The following OR1A1 variants were observed in gnomAD, a reference collection of about 807,000 sequenced individuals.
The protein encoded by OR1A1 is olfactory receptor 1A1.
For missense variants in OR1A1, 391 were observed against 379.9 expected, an observed-to-expected ratio of 1.03 and a Z score of -0.24; for synonymous variants, 145 against 147.8, an observed-to-expected ratio of 0.98 and a Z score of 0.13.
Position 3,213,887 on chromosome 17 carries a change from C to T in OR1A1, c.-6+1288C>T, listed in dbSNP as rs549310435. ...AGAGAACAACACGGATTTGACTAAG[C>T]AGCTGATCGTTGCCGCTGTAATTTA... On this transcript the variant is annotated intron_variant, in intron 3 of 3. Transcript: ENST00000641732. 5 of 152,324 alleles carry T rather than the reference C, an allele frequency of 3.3e-5. No homozygotes were observed. In the East Asian group the frequency reaches 9.7e-4, roughly 29 times the overall value. 9.4% of individuals were successfully genotyped at this position (152,324 alleles called of 1,614,324 possible).
chr17:3,216,189 C>T lies in OR1A1; in HGVS notation c.569C>T (p.Ser190Phe). Reference protein sequence around the residue: ...DITPLLKLSCSDIHFHVKMMY... With the variant: ...DITPLLKLSCFDIHFHVKMMY... ...ACCCCCTTGCTGAAGTTATCCTGTT[C>T]TGACATCCACTTTCATGTGAAGATG... Residue 190 changes from serine to phenylalanine, a missense_variant, in exon 4 of 4, where the codon TCT (serine) becomes TTT (phenylalanine). By Grantham distance (155) the Ser-to-Phe change is radical. Coordinates refer to ENST00000641732, the MANE Select transcript of OR1A1 (RefSeq NM_014565.3). 4 of 1,614,166 alleles carry T rather than the reference C, an allele frequency of 2.5e-6. No homozygotes were observed. The highest frequency in any genetic ancestry group is 3.4e-6 in the Non-Finnish European group (4 of 1,180,020).
chr17:3,211,492 C>T (rs951359924), intron 2 of OR1A1, among the ~76,000 whole-genome samples: 2 of 152,128 alleles, frequency 1.3e-5, no homozygotes, highest in South Asian at 2.1e-4. Context: ...TGCACCACCA[C>T]GCCCAGCTAA....
intron 2 of OR1A1, among the ~76,000 whole-genome samples, chr17:3,210,759 C>T (rs888636749): frequency 1.3e-5 from 2 of 152,118 alleles, no homozygotes; most frequent in Non-Finnish European, 2.9e-5. Flanking sequence ...GCACCCACCA[C>T]CACACCTGGC....
At chr17:3,215,530 T>G in intron 3 of OR1A1, 86 bp from the exon 4 acceptor site, 1 of 975,308 alleles carries the variant, frequency 1.0e-6, no homozygotes, top group Non-Finnish European at 1.5e-6. Context: ...CTGAATCACT[T>G]AAGTCAGAAG....
Position 3,215,795 on chromosome 17 carries a change from A to C in OR1A1, c.175A>C (p.Met59Leu). 1 of 1,613,966 alleles carries C rather than the reference A, an allele frequency of 6.2e-7. No homozygotes were observed. Among genetic ancestry groups the C allele is most frequent in the Non-Finnish European group, 8.5e-7 (1 of 1,180,004 alleles). Residue 59 changes from methionine to leucine, a missense_variant, in exon 4 of 4, where the codon ATG (methionine) becomes CTG (leucine). Coordinates refer to ENST00000641732, the MANE Select transcript of OR1A1 (RefSeq NM_014565.3). ...ICSDVRLHNP[M>L]YFLLANLSLV... is the part of the protein sequence containing the mutation. ...CTCTGATGTTCGCCTTCACAACCCC[A>C]TGTATTTTCTCCTTGCCAACCTCTC...
rs765110007 is a variant in OR1A1, at chr17:3,215,646, C to T, written c.26C>T (p.Thr9Ile). 13 of 1,613,710 alleles carry T rather than the reference C, an allele frequency of 8.1e-6. No homozygotes were observed. Among genetic ancestry groups the T allele is most frequent in the African/African-American group, 6.7e-5 (5 of 74,928 alleles). ...ATGAGGGAAAATAACCAGTCCTCTA[C>T]ACTGGAATTCATCCTCCTGGGAGTT... MRENNQSSTLEFILLGVTG... is the reference protein window; with the variant it reads MRENNQSSILEFILLGVTG... The change falls in exon 4 of 4, where the codon ACA becomes ATA. Residue 9 changes from threonine (T) to isoleucine (I), a missense_variant. By Grantham distance (89) the Thr-to-Ile change is moderately conservative (BLOSUM62 -1). Coordinates refer to ENST00000641732, the MANE Select transcript of OR1A1 (RefSeq NM_014565.3).
chr17:3,208,385 CA>C (rs1478552155), intron 1 of OR1A1, among the ~76,000 whole-genome samples, 195 bp from the exon 2 acceptor site: 3 of 151,964 alleles, frequency 2.0e-5, no homozygotes, highest in African/African-American at 7.3e-5. Flanking sequence ...GAGCACCTGC[CA>C]AAAGTGCATT....
chr17:3,216,900 T>C lies in OR1A1; in HGVS notation c.*350T>C, dbSNP rs184571128. The C allele has an allele frequency of 5.2e-6, 1 of 193,404 alleles. No homozygotes were observed. The highest frequency in any genetic ancestry group is 1.1e-5 in the Non-Finnish European group (1 of 93,384). The allele number at this position is 193,404 out of a possible 1,614,324, so 12.0% of individuals were successfully genotyped here. The stretch of plus-strand genomic sequence containing the variant: ...ATGGTGTGTTGATTACAATAGCTCA[T>C]GCTTCCAAGATTATAAATCACTATT... On this transcript the variant is annotated 3_prime_UTR_variant, in exon 4 of 4. Transcript: ENST00000641732.
At chr17:3,213,950 C>A (rs1219382918) in intron 3 of OR1A1, 1 of 152,184 alleles carries the variant, frequency 6.6e-6, no homozygotes, top group African/African-American at 2.4e-5. Flanking sequence ...AGGAGGAAAC[C>A]TGGAGTCAAG....
intron 2 of OR1A1, among the ~76,000 whole-genome samples, chr17:3,210,025 A>G (rs536065435): frequency 3.1e-4 from 47 of 151,984 alleles, no homozygotes; most frequent in African/African-American, 1.1e-3. Context: ...TACCCCATGA[A>G]TTTATTCATT....
At chr17:3,209,255 G>T (rs1350529805) in intron 2 of OR1A1, among the ~76,000 whole-genome samples, 2 of 151,760 alleles carry the variant, frequency 1.3e-5, no homozygotes, top group African/African-American at 2.4e-5. Context: ...TCATAGCTTA[G>T]CTCCCACATA....
Position 3,218,283 on chromosome 17 carries a change from G to A in OR1A1, c.*1733G>A, listed in dbSNP as rs1315628807. On this transcript the variant is annotated 3_prime_UTR_variant, in exon 4 of 4. Transcript: ENST00000641732. ...GTAAGGAAACAACATATGCTGGAGA[G>A]GATGTGGAGAAATAGGAAGGTTTTT... The A allele has an allele frequency of 6.6e-6, 1 of 152,172 alleles. No homozygotes were observed. Among genetic ancestry groups the A allele is most frequent in the Non-Finnish European group, 1.5e-5 (1 of 68,034 alleles). The allele number at this position is 152,172 out of a possible 1,614,324, so 9.4% of individuals were successfully genotyped here.
chr17:3,215,159 T>G (rs1166325496), intron 3 of OR1A1: 2 of 157,722 alleles, frequency 1.3e-5, no homozygotes, highest in Non-Finnish European at 2.8e-5. Flanking sequence ...TTATCATGGG[T>G]AATAAAATTA....
intron 2 of OR1A1, among the ~76,000 whole-genome samples, chr17:3,211,417 C>T (rs1465837416): frequency 6.6e-6 from 1 of 152,064 alleles, no homozygotes. Context: ...TCACTGCAAC[C>T]TCTGCCCCCG....
At chr17:3,211,405 G>A (rs2048441076) in intron 2 of OR1A1, among the ~76,000 whole-genome samples, 1 of 151,836 alleles carries the variant, frequency 6.6e-6, no homozygotes, top group Non-Finnish European at 1.5e-5. Flanking sequence ...TACAATCTCG[G>A]CTCACTGCAA....
At chr17:3,211,420 T>C (rs905137192) in intron 2 of OR1A1, among the ~76,000 whole-genome samples, 2 of 152,050 alleles carry the variant, frequency 1.3e-5, no homozygotes, top group African/African-American at 4.8e-5. Flanking sequence ...CTGCAACCTC[T>C]GCCCCCGCAG....
chr17:3,215,373 A>G (rs2048461000), intron 3 of OR1A1, among the ~76,000 whole-genome samples: 2 of 152,224 alleles, frequency 1.3e-5, no homozygotes, highest in Non-Finnish European at 2.9e-5. Context: ...TGGAACAGGA[A>G]GGATGGGCAC....
chr17:3,209,654 G>A (rs776628025), intron 2 of OR1A1, among the ~76,000 whole-genome samples: 7 of 152,038 alleles, frequency 4.6e-5, no homozygotes, highest in Non-Finnish European at 1.0e-4. Flanking sequence ...CACACCTGTA[G>A]TCCCACTTGA....
At chr17:3,210,881 C>T (rs2048438226) in intron 2 of OR1A1, among the ~76,000 whole-genome samples, 1 of 152,166 alleles carries the variant, frequency 6.6e-6, no homozygotes, top group Admixed American at 6.5e-5. Flanking sequence ...GCTGGGATTA[C>T]AGGTGTGAGC....
Sources: allele counts gnomAD v4.1 joint callset (sites outside exome capture counted in the v4.1 genomes callset), GRCh38; gene constraint gnomAD v4.1.1; transcripts MANE v1.5; gene names NCBI Gene and HGNC (gene_info 2026-07-23, HGNC 2026-07-21).